The following SERINC5 variants were observed in gnomAD, a reference collection of about 807,000 sequenced individuals.
SERINC5 encodes serine incorporator 5.
A neutral mutation model predicts 63.1 loss-of-function variants in SERINC5; 41 were observed. The ratio of observed to expected loss-of-function variants is 0.65; its 90% confidence interval spans 0.51 to 0.84. SERINC5 has a LOEUF of 0.84. Ranked by LOEUF, SERINC5 falls within the 40% of genes least tolerant of loss-of-function variation. SERINC5 has a pLI of 0.00. For missense variants in SERINC5, 523 were observed against 573.0 expected (o/e 0.91, Z 0.89); for synonymous variants, 222 against 215.2 (o/e 1.03, Z -0.28).
intron 2 of SERINC5, among the ~76,000 whole-genome samples, chr5:80,186,807 G>A (rs1156717144): frequency 2.0e-5 from 3 of 152,140 alleles, no homozygotes; most frequent in Non-Finnish European, 4.4e-5. Context: ...CTTAAGAAAT[G>A]GAGAGGAAGT....
intron 11 of SERINC5, among the ~76,000 whole-genome samples, chr5:80,118,280 G>A (rs1744409724): frequency 6.6e-6 from 1 of 152,138 alleles, no homozygotes; most frequent in Admixed American, 6.6e-5. Flanking sequence ...CATTACGTCT[G>A]CAAAGTTAAC....
In SERINC5 at chr5:80,177,989, C is replaced by A; in HGVS notation, c.271G>T (p.Val91Leu). ...GCCATTCCAAAACAGACTCTATACACGGCAGAATATCCCACCAGCTTCTCA... is the reference window on the plus strand; with the variant it reads ...GCCATTCCAAAACAGACTCTATACAAGGCAGAATATCCCACCAGCTTCTCA... ...TCEKLVGYSA[V>L]YRVCFGMACF... is the part of the protein sequence containing the mutation. The change falls in exon 3 of 12, where the codon GTG becomes TTG. Residue 91 changes from valine to leucine, a missense_variant. By Grantham distance (32) the Val-to-Leu change is conservative (BLOSUM62 1). Transcript: ENST00000507668. 1 of 1,612,510 alleles carries A rather than the reference C, an allele frequency of 6.2e-7. No homozygotes were observed. Among genetic ancestry groups the A allele is most frequent in the Non-Finnish European group, 8.5e-7 (1 of 1,179,128 alleles).
chr5:80,218,306 C>T (rs1454557548), intron 1 of SERINC5, among the ~76,000 whole-genome samples: 1 of 152,108 alleles, frequency 6.6e-6, no homozygotes, highest in African/African-American at 2.4e-5. Context: ...TTTGGGAGGC[C>T]AAGGTGGGCG....
intron 1 of SERINC5, among the ~76,000 whole-genome samples, chr5:80,204,430 C>T (rs547399754): frequency 2.6e-5 from 4 of 152,308 alleles, no homozygotes; most frequent in South Asian, 4.1e-4. Context: ...ACTTTACCAA[C>T]GTATTCACCC....
At chr5:80,138,320 G>A (rs1745296339), downstream of SERINC5, among the ~76,000 whole-genome samples, 2 of 152,122 alleles carry the variant, frequency 1.3e-5, no homozygotes, top group Non-Finnish European at 2.9e-5. Context: ...AGTAGGCCGG[G>A]CACGGTGGCT....
At chr5:80,226,017 A>G (rs900026663) in intron 1 of SERINC5, among the ~76,000 whole-genome samples, 1 of 150,020 alleles carries the variant, frequency 6.7e-6, no homozygotes, top group African/African-American at 2.5e-5. Flanking sequence ...GGTGCTTTCA[A>G]GACCTTTCAT....
chr5:80,130,919 G>C (rs949061393), intron 11 of SERINC5, among the ~76,000 whole-genome samples: 2 of 152,192 alleles, frequency 1.3e-5, no homozygotes, highest in African/African-American at 4.8e-5. Context: ...AACTGAAAAG[G>C]TAAGAAAATG....
chr5:80,203,136 C>T, intron 1 of SERINC5, 83 bp from the exon 2 acceptor site: 1 of 1,339,558 alleles, frequency 7.5e-7, no homozygotes, highest in Admixed American at 2.2e-5. Flanking sequence ...TGGTACACAT[C>T]TGGAGTCCCT....
At chr5:80,182,371 C>CA (rs1748488141) in intron 2 of SERINC5, among the ~76,000 whole-genome samples, 2 of 152,238 alleles carry the variant, frequency 1.3e-5, no homozygotes, top group South Asian at 2.1e-4. Flanking sequence ...CTGTTTTATA[C>CA]AAAAAATTTA....
chr5:80,194,032 G>A (rs73128078), intron 2 of SERINC5, among the ~76,000 whole-genome samples: 6,432 of 152,196 alleles, frequency 0.042, 468 homozygotes, highest in African/African-American at 0.15. Flanking sequence ...CTTGAGGTTC[G>A]ATGGTCCCAA....
At chr5:80,224,719 T>C (rs1177344244) in intron 1 of SERINC5, among the ~76,000 whole-genome samples, 2 of 148,430 alleles carry the variant, frequency 1.3e-5, no homozygotes, top group African/African-American at 2.5e-5. Flanking sequence ...CTCCATCTCC[T>C]GGGTTTAAGT....
chr5:80,168,156 C>A (rs1231218980), intron 6 of SERINC5, among the ~76,000 whole-genome samples: 1 of 151,624 alleles, frequency 6.6e-6, no homozygotes, highest in Non-Finnish European at 1.5e-5. Flanking sequence ...CAATAATGGT[C>A]TTAAAATTTT....
At chr5:80,175,732 C>T (rs528852314) in intron 4 of SERINC5, among the ~76,000 whole-genome samples, 1 of 151,554 alleles carries the variant, frequency 6.6e-6, no homozygotes, top group South Asian at 2.1e-4. Flanking sequence ...GGCATAGTGG[C>T]GGGTGCCTGT....
In SERINC5 at chr5:80,209,599, C is replaced by T. The variant is rs569958304; in HGVS notation, c.28-6546G>A. ...CATACACATATGTGTAGATACAAGA[C>T]CACTAACACTGACTACCCGAGGAAC... On this transcript the variant is annotated intron_variant, in intron 1 of 11. Coordinates refer to ENST00000507668, the MANE Select transcript of SERINC5 (RefSeq NM_001174072.3). 2.2e-3 allele frequency among the ~76,000 whole-genome samples: 334 copies of T among 151,974 alleles called. 1 individual carries two copies. The highest frequency in any genetic ancestry group is 7.8e-3 in the African/African-American group (323 of 41,446).
At chr5:80,203,937 C>T (rs1409158645) in intron 1 of SERINC5, among the ~76,000 whole-genome samples, 2 of 152,102 alleles carry the variant, frequency 1.3e-5, no homozygotes, top group African/African-American at 2.4e-5. Context: ...TTACCAATAG[C>T]CCATGATTTA....
chr5:80,205,253 C>T (rs1750094534), intron 1 of SERINC5, among the ~76,000 whole-genome samples: 1 of 152,332 alleles, frequency 6.6e-6, no homozygotes, highest in East Asian at 1.9e-4. Context: ...TTGCACAGAG[C>T]TTTCTTCGTT....
chr5:80,197,361 G>A (rs1307217587), intron 2 of SERINC5, among the ~76,000 whole-genome samples: 1 of 67,590 alleles, frequency 1.5e-5, no homozygotes, highest in Non-Finnish European at 3.2e-5. Context: ...GAGAGAGAGA[G>A]AGAACGGACC....
intron 2 of SERINC5, among the ~76,000 whole-genome samples, chr5:80,184,231 A>G (rs111797251): frequency 5.3e-5 from 8 of 152,056 alleles, no homozygotes; most frequent in African/African-American, 1.9e-4. Context: ...TCCCTAAATT[A>G]TTTTCTTCCC....
At position 80,141,323 on chromosome 5, in the gene SERINC5, AG is replaced by A; in HGVS notation, c.*2339del. On this transcript the variant is annotated 3_prime_UTR_variant, in exon 12 of 12. Coordinates refer to ENST00000507668, the MANE Select transcript of SERINC5 (RefSeq NM_001174072.3). ...GTTGTGTGGCTGGGCTGGCTCCAGA[AG>A]GAAGCGACGAGGGCCTTCTACCGGC... is the stretch of plus-strand genomic sequence containing the variant. The A allele has an allele frequency of 2.0e-6, 2 of 985,476 alleles. No homozygotes were observed. The highest frequency in any genetic ancestry group is 2.4e-6 in the Non-Finnish European group (2 of 829,948). The allele number at this position is 985,476 out of a possible 1,614,324, so 61.0% of individuals were successfully genotyped here.
Sources: gnomAD v4.1 joint callset for allele counts (sites outside exome capture counted in the v4.1 genomes callset) on GRCh38, gnomAD v4.1.1 for gene constraint, MANE v1.5 for transcripts, NCBI Gene and HGNC (gene_info 2026-07-23, HGNC 2026-07-21) for gene names.